SCPEP1: variants seen among roughly 807,000 people sequenced by gnomAD.
SCPEP1 encodes serine carboxypeptidase 1.
SCPEP1 carries 51 observed loss-of-function variants against 63.8 expected under a neutral mutation model. That is an observed-to-expected ratio of 0.80 (90% CI 0.64 to 1.01). The LOEUF (loss-of-function observed/expected upper bound fraction) is 1.01. SCPEP1 is among the 50% of genes least tolerant of loss of function. The pLI is 0.00. For synonymous variants in SCPEP1, 204 were observed against 207.8 expected (o/e 0.98, Z 0.16); for missense variants, 499 against 554.9 (o/e 0.90, Z 1.01).
At chr17:56,999,165 A>G (rs777488228) in intron 10 of SCPEP1, among the ~76,000 whole-genome samples, 4 of 152,188 alleles carry the variant, frequency 2.6e-5, no homozygotes, top group Non-Finnish European at 5.9e-5. Context: ...ATCGAAGGCC[A>G]CAGTTGGTTG....
chr17:56,981,516 G>A (rs749699206), intron 2 of SCPEP1, among the ~76,000 whole-genome samples: 2 of 152,100 alleles, frequency 1.3e-5, no homozygotes, highest in South Asian at 4.1e-4. Flanking sequence ...AATACATAGT[G>A]ATAGAAAGTG....
Position 57,000,947 on chromosome 17 carries a change from G to T in SCPEP1, c.1087G>T (p.Val363Leu). The T allele has an allele frequency of 6.2e-7, 1 of 1,614,168 alleles. No individual in the cohort carries two copies. Among genetic ancestry groups the T allele is most frequent in the Non-Finnish European group, 8.5e-7 (1 of 1,180,022 alleles). The part of the protein sequence containing the change: ...VDELLEAGIN[V>L]TVYNGQLDLI... ...CGAGTTGCTGGAGGCAGGGATCAAC[G>T]TGACGGTGTATAATGGACAGCTGGA... Residue 363 changes from valine (V) to leucine (L), a missense_variant, in exon 11 of 13, where the codon GTG (valine) becomes TTG (leucine). Val to Leu is a conservative substitution (Grantham distance 32). Coordinates refer to ENST00000262288, the MANE Select transcript of SCPEP1 (RefSeq NM_021626.3).
rs140278661 is a variant in SCPEP1 at position 56,987,797 on chromosome 17, T to C, written c.418T>C (p.Ser140Pro). ...TGCCAAGGACCTGGCTATGGTGGCT[T>C]CAGACATGATGGTTCTCCTGAAGAC... Reference protein sequence around the residue: ...AYAKDLAMVASDMMVLLKTFF... With the variant: ...AYAKDLAMVAPDMMVLLKTFF... Residue 140 changes from serine to proline, a missense_variant, in exon 4 of 13, where the codon TCA (serine) becomes CCA (proline). Ser to Pro is a moderately conservative substitution (Grantham distance 74). Transcript: ENST00000262288. 6.2e-7 allele frequency: 1 copy of C among 1,614,168 alleles called. No individual in the cohort carries two copies. The highest frequency in any genetic ancestry group is 1.3e-5 in the African/African-American group (1 of 75,032).
chr17:56,982,561 G>A (rs910085031), intron 2 of SCPEP1, among the ~76,000 whole-genome samples: 1 of 152,164 alleles, frequency 6.6e-6, no homozygotes, highest in African/African-American at 2.4e-5. Flanking sequence ...CAAAGGTGCG[G>A]CACAATTGGC....
At chr17:57,005,284 A>G (rs952603790) in intron 12 of SCPEP1, among the ~76,000 whole-genome samples, 25 of 152,188 alleles carry the variant, frequency 1.6e-4, no homozygotes, top group African/African-American at 5.5e-4. Context: ...GCTGGTAGGA[A>G]GGCATGGAAC....
chr17:56,999,719 A>T (rs1342252197), intron 10 of SCPEP1, among the ~76,000 whole-genome samples: 4 of 152,146 alleles, frequency 2.6e-5, no homozygotes, highest in Non-Finnish European at 4.4e-5. Flanking sequence ...GTGGTGGCTC[A>T]CGCCTGTAAT....
Position 56,995,446 on chromosome 17 carries a change from G to A in SCPEP1, c.658-61G>A, listed in dbSNP as rs373916220. 1.2e-4 allele frequency: 184 copies of A among 1,575,496 alleles called. 3 individuals are homozygous for A. The highest frequency in any genetic ancestry group is 9.2e-4 in the East Asian group (41 of 44,404). ...TTTCTCCTACCCCTCCCTAACTGCA[G>A]CAATACCAGATTGACGTTCCCAAGT... On this transcript the variant is annotated intron_variant, in intron 7 of 12. Coordinates refer to ENST00000262288, the MANE Select transcript of SCPEP1 (RefSeq NM_021626.3).
intron 9 of SCPEP1, chr17:56,998,132 G>A (rs1297280548): frequency 1.1e-5 from 4 of 367,266 alleles, no homozygotes; most frequent in Non-Finnish European, 1.6e-5. Flanking sequence ...CCAACATGGT[G>A]AAACCCTGTC....
At position 56,993,145 on chromosome 17, in the gene SCPEP1, C is replaced by T. The variant is rs1258585989; in HGVS notation, c.620-1836C>T. Among the ~76,000 whole-genome samples, 4 of 152,216 alleles carry T rather than the reference C, an allele frequency of 2.6e-5. No individual in the cohort carries two copies. The East Asian group carries it at 7.7e-4, about 29-fold the overall frequency. On this transcript the variant is annotated intron_variant, in intron 6 of 12. Transcript: ENST00000262288. ...AAGAAGGTCTTGATCTGCACTGTCA[C>T]TAAGCCCATGTGACCATGTCAGTAT...
intron 12 of SCPEP1, among the ~76,000 whole-genome samples, chr17:57,005,617 C>T (rs1911860335): frequency 6.6e-6 from 1 of 152,102 alleles, no homozygotes; most frequent in African/African-American, 2.4e-5. Flanking sequence ...TGCCCTTCCC[C>T]CTTTTGATGC....
chr17:57,001,000 T>C lies in SCPEP1; in HGVS notation c.1132+8T>C. On this transcript the variant is annotated splice_region_variant and intron_variant, in intron 11 of 12. Transcript: ENST00000262288. ...TCATCGTAGATACCATGGGTAGGAA[T>C]TGACTCTGAGAGGCACCTAGAGGCA... is the stretch of plus-strand genomic sequence containing the variant. The C allele has an allele frequency of 1.2e-6, 2 of 1,614,130 alleles. No individual in the cohort carries two copies. The highest frequency in any genetic ancestry group is 8.5e-7 in the Non-Finnish European group (1 of 1,180,008).
At chr17:56,979,559 A>G (rs575961101) in intron 1 of SCPEP1, among the ~76,000 whole-genome samples, 21 of 152,316 alleles carry the variant, frequency 1.4e-4, no homozygotes, top group Admixed American at 9.2e-4. Context: ...TGACAAAGAA[A>G]ATGTATTTAG....
rs376628991 is a variant in SCPEP1 at position 56,999,722 on chromosome 17, C to G, written c.995-1133C>G. Among the ~76,000 whole-genome samples the G allele has an allele frequency of 4.6e-5, 7 of 152,266 alleles. No individual in the cohort carries two copies. In the East Asian group the frequency reaches 5.8e-4, roughly 13 times the overall value. On this transcript the variant is annotated intron_variant, in intron 10 of 12. Transcript: ENST00000262288. ...GTGTGGCCGGGTGTGGTGGCTCACGCCTGTAATCCCAGCATTTTGGGATGC... is the reference window on the plus strand; with the variant it reads ...GTGTGGCCGGGTGTGGTGGCTCACGGCTGTAATCCCAGCATTTTGGGATGC...
intron 10 of SCPEP1, among the ~76,000 whole-genome samples, chr17:56,998,868 T>A (rs1177607188): frequency 6.6e-6 from 1 of 151,960 alleles, no homozygotes; most frequent in African/African-American, 2.4e-5. Context: ...GTGGGAGGAT[T>A]GCTTGAACCC....
In SCPEP1 at chr17:56,997,002, G is replaced by A; in HGVS notation, c.827G>A (p.Ser276Asn). The change falls in exon 9 of 13, where the codon AGC (serine) becomes AAC (asparagine). Residue 276 changes from serine (S) to asparagine (N), a missense_variant. Coordinates refer to ENST00000262288, the MANE Select transcript of SCPEP1 (RefSeq NM_021626.3). The stretch of plus-strand genomic sequence containing the variant: ...AACTTCTATAACATCTTAACTAAAA[G>A]CACTCCCACGTCTACAATGGAGTCG... ...GVNFYNILTKSTPTSTMESSL... is the reference protein window; with the variant it reads ...GVNFYNILTKNTPTSTMESSL... 3 of 1,610,290 alleles carry A rather than the reference G, an allele frequency of 1.9e-6. No homozygotes were observed. The East Asian group carries it at 6.7e-5, about 36-fold the overall frequency.
Position 56,985,375 on chromosome 17 carries a change from T to A in SCPEP1, c.226-3T>A, listed in dbSNP as rs1256247891. On this transcript the variant is annotated splice_polypyrimidine_tract_variant and splice_region_variant and intron_variant, in intron 2 of 12. Coordinates refer to ENST00000262288, the MANE Select transcript of SCPEP1 (RefSeq NM_021626.3). ...TTTTGTTTGTTTCTTCTCTCTTCCA[T>A]AGGGCGGTCCAGGCGGTTCTAGCAC... The A allele has an allele frequency of 1.9e-6, 3 of 1,613,670 alleles. No homozygotes were observed. The highest frequency in any genetic ancestry group is 2.5e-6 in the Non-Finnish European group (3 of 1,179,602).
At chr17:56,996,349 C>T (rs1182130895) in intron 8 of SCPEP1, among the ~76,000 whole-genome samples, 1 of 148,886 alleles carries the variant, frequency 6.7e-6, no homozygotes, top group Non-Finnish European at 1.5e-5. Flanking sequence ...AGATAATTGG[C>T]ACGCACCACC....
At chr17:56,987,533 C>A in intron 3 of SCPEP1, 162 bp from the exon 4 acceptor site, 2 of 540,278 alleles carry the variant, frequency 3.7e-6, no homozygotes, top group East Asian at 3.5e-5. Context: ...TTTCTATGTT[C>A]CTGTCCCTTA....
At chr17:56,987,659 T>C in intron 3 of SCPEP1, 36 bp from the exon 4 acceptor site, 1 of 1,600,448 alleles carries the variant, frequency 6.2e-7, no homozygotes, top group South Asian at 1.1e-5. Context: ...ACCAAATGTC[T>C]GATTGCAACA....
Sources: gnomAD v4.1 joint callset for allele counts (sites outside exome capture counted in the v4.1 genomes callset) on GRCh38, gnomAD v4.1.1 for gene constraint, MANE v1.5 for transcripts, NCBI Gene and HGNC (gene_info 2026-07-23, HGNC 2026-07-21) for gene names.